Variants in PDE4D observed in about 807,000 individuals in gnomAD.
PDE4D encodes the protein 3',5'-cyclic-AMP phosphodiesterase 4D.
PDE4D carries 24 observed loss-of-function variants against 87.4 expected under a neutral mutation model. That is an observed-to-expected ratio of 0.27 (90% CI 0.20 to 0.39). The LOEUF (loss-of-function observed/expected upper bound fraction) is 0.39, where lower values mean the gene tolerates loss of function less well. Among genes scored for constraint, PDE4D ranks in the 10% least tolerant of loss-of-function variants. The pLI, the probability that PDE4D is intolerant of heterozygous loss-of-function variation, is 1.00. For missense variants in PDE4D, 714 were observed against 1,041.0 expected (o/e 0.69, Z 4.32); for synonymous variants, 384 against 383.2 (o/e 1.00, Z -0.02).
intron 6 of PDE4D, among the ~76,000 whole-genome samples, chr5:59,003,501 T>C (rs747466542): frequency 1.1e-4 from 16 of 152,230 alleles, no homozygotes; most frequent in Non-Finnish European, 1.6e-4. Flanking sequence ...TTCCAGCCTT[T>C]TTCCAAATTC....
intron 3 of PDE4D, among the ~76,000 whole-genome samples, chr5:59,912,428 A>T (rs1268393918): frequency 6.6e-6 from 1 of 152,242 alleles, no homozygotes; most frequent in Non-Finnish European, 1.5e-5. Flanking sequence ...GGAAAGTAAG[A>T]CTGCACTTGG....
intron 1 of PDE4D, among the ~76,000 whole-genome samples, chr5:59,828,544 A>G (rs1770595915): frequency 6.6e-6 from 1 of 152,022 alleles, no homozygotes; most frequent in African/African-American, 2.4e-5. Flanking sequence ...GATTTGTCCT[A>G]CGAGTCTGCT....
At position 60,404,295 on chromosome 5, in the gene PDE4D, A is replaced by T. The variant is rs185572774; in HGVS notation, c.-90+83647T>A. Among the ~76,000 whole-genome samples the T allele has an allele frequency of 3.8e-3, 580 of 152,246 alleles. 3 individuals carry two copies. Among genetic ancestry groups the T allele is most frequent in the Non-Finnish European group, 6.6e-3 (450 of 68,024 alleles). On this transcript the variant is annotated intron_variant, in intron 1 of 16. Coordinates refer to the PDE4D transcript ENST00000502484. ...CTATGTTGACTGCTTGGATAAAAAA[A>T]ATCATCAGAATGGAATGTTGAGCAA...
At position 59,222,949 on chromosome 5, in the gene PDE4D, A is replaced by T. The variant is rs557655826; in HGVS notation, c.456-6981T>A. Among the ~76,000 whole-genome samples, 4 of 151,922 alleles carry T rather than the reference A, an allele frequency of 2.6e-5. No homozygotes were observed. The East Asian group carries it at 7.8e-4, about 30-fold the overall frequency. On this transcript the variant is annotated intron_variant, in intron 1 of 14. Coordinates refer to ENST00000340635, the MANE Select transcript of PDE4D (RefSeq NM_001104631.2). ...GCAGCTATTGTTTTTCATTTTTATT[A>T]CTCTTTTTCTCCCAGGGAGATCTTC...
chr5:59,836,976 C>T (rs987238264), intron 1 of PDE4D, among the ~76,000 whole-genome samples: 1 of 151,946 alleles, frequency 6.6e-6, no homozygotes, highest in Non-Finnish European at 1.5e-5. Flanking sequence ...AGAGGTTCAT[C>T]TATCATAACG....
intron 3 of PDE4D, among the ~76,000 whole-genome samples, chr5:59,931,539 G>A (rs1755920303): frequency 6.6e-6 from 1 of 152,070 alleles, no homozygotes; most frequent in Non-Finnish European, 1.5e-5. Context: ...GACTGAGCAT[G>A]CCAGCTCAGG....
chr5:60,170,545 T>C (rs1783326679), intron 2 of PDE4D, among the ~76,000 whole-genome samples: 1 of 151,900 alleles, frequency 6.6e-6, no homozygotes. Context: ...GAGTTGCAAA[T>C]AAGGTAATGT....
At chr5:59,213,364 G>A (rs1316886985) in intron 2 of PDE4D, among the ~76,000 whole-genome samples, 1 of 151,974 alleles carries the variant, frequency 6.6e-6, no homozygotes, top group Non-Finnish European at 1.5e-5. Context: ...GTCTCACTAT[G>A]TTGCCAAGGC....
chr5:59,405,518 A>T (rs1418247858), intron 1 of PDE4D, among the ~76,000 whole-genome samples: 3 of 152,234 alleles, frequency 2.0e-5, no homozygotes, highest in African/African-American at 7.2e-5. Flanking sequence ...TATCATCTGC[A>T]AACAAGAATA....
At chr5:59,249,109 G>T (rs911572719) in intron 1 of PDE4D, among the ~76,000 whole-genome samples, 1 of 151,904 alleles carries the variant, frequency 6.6e-6, no homozygotes, top group Admixed American at 6.6e-5. Context: ...AATACATAAA[G>T]AACTCTTGCA....
intron 2 of PDE4D, among the ~76,000 whole-genome samples, chr5:60,171,982 G>A (rs1783475120): frequency 6.6e-6 from 1 of 151,042 alleles, no homozygotes; most frequent in South Asian, 2.1e-4. Context: ...TTAGACGTAA[G>A]TATTGGCTCC....
intron 5 of PDE4D, chr5:59,157,463 T>C: frequency 1.5e-6 from 1 of 650,498 alleles, no homozygotes. Flanking sequence ...CCACTTGAAT[T>C]TACGACTAAG....
At chr5:60,312,197 C>T (rs1317569682) in intron 1 of PDE4D, among the ~76,000 whole-genome samples, 1 of 151,710 alleles carries the variant, frequency 6.6e-6, no homozygotes, top group Non-Finnish European at 1.5e-5. Flanking sequence ...ACCTAATTGG[C>T]CTAACAGACA....
chr5:59,823,265 C>A (rs1237158473), intron 1 of PDE4D, among the ~76,000 whole-genome samples: 1 of 152,182 alleles, frequency 6.6e-6, no homozygotes, highest in Non-Finnish European at 1.5e-5. Context: ...CTGTATAATG[C>A]TCCAATTTGT....
chr5:59,395,589 C>A (rs1433253218), intron 1 of PDE4D, among the ~76,000 whole-genome samples: 1 of 149,454 alleles, frequency 6.7e-6, no homozygotes, highest in Non-Finnish European at 1.5e-5. Context: ...TGTACATCAC[C>A]ATCATCAAAG....
chr5:59,298,100 G>C (rs1390545952), intron 1 of PDE4D, among the ~76,000 whole-genome samples: 1 of 150,012 alleles, frequency 6.7e-6, no homozygotes, highest in East Asian at 2.0e-4. Context: ...CCAACCCCAA[G>C]GCACAAGTGA....
At chr5:59,483,430 AT>A (rs1804594290) in intron 1 of PDE4D, among the ~76,000 whole-genome samples, 1 of 152,110 alleles carries the variant, frequency 6.6e-6, no homozygotes, top group African/African-American at 2.4e-5. Flanking sequence ...ATAAAAAATA[AT>A]TTTCATAGCC....
In PDE4D at chr5:59,440,008, A is replaced by G. The variant is rs146979131; in HGVS notation, c.456-224040T>C. Among the ~76,000 whole-genome samples, 15 of 152,346 alleles carry G rather than the reference A, an allele frequency of 9.8e-5. No individual in the cohort carries two copies. In the East Asian group the frequency reaches 2.9e-3, roughly 29 times the overall value. On this transcript the variant is annotated intron_variant, in intron 1 of 14. Transcript: ENST00000340635. ...CTGAGAAAATAATCCAATGAAGCTA[A>G]CGTCACCTAGAGCTTAACCATTAAG...
intron 1 of PDE4D, among the ~76,000 whole-genome samples, chr5:60,465,319 A>G (rs1747267106): frequency 6.6e-6 from 1 of 152,110 alleles, no homozygotes; most frequent in Non-Finnish European, 1.5e-5. Flanking sequence ...TTCCTAAGTT[A>G]GTTTAAAAGT....
Sources: allele counts gnomAD v4.1 joint callset (sites outside exome capture counted in the v4.1 genomes callset), GRCh38; gene constraint gnomAD v4.1.1; transcripts MANE v1.5; gene names NCBI Gene and HGNC (gene_info 2026-07-23, HGNC 2026-07-21).